Variants in RB1 observed in about 807,000 individuals in gnomAD.
RB1 encodes the protein RB transcriptional corepressor 1.
A neutral mutation model predicts 135.4 loss-of-function variants in RB1; 18 were observed. The ratio of observed to expected loss-of-function variants is 0.13; its 90% CI spans 0.09 to 0.20. The LOEUF (loss-of-function observed/expected upper bound fraction) is 0.20. RB1 is among the 10% of genes least tolerant of loss of function. RB1 has a pLI of 1.00. For synonymous variants in RB1, 365 were observed against 373.2 expected, an observed-to-expected ratio of 0.98 and a Z score of 0.25; for missense variants, 868 against 1,110.0, an observed-to-expected ratio of 0.78 and a Z score of 3.10.
chr13:48,443,026 G>C (rs1949253221), intron 17 of RB1, among the ~76,000 whole-genome samples: 1 of 151,982 alleles, frequency 6.6e-6, no homozygotes, highest in African/African-American at 2.4e-5. Flanking sequence ...CACTTTGAAA[G>C]ACATTTTAAG....
At chr13:48,466,554 C>T (rs1197488481) in intron 23 of RB1, among the ~76,000 whole-genome samples, 146 of 152,188 alleles carry the variant, frequency 9.6e-4, no homozygotes, top group Non-Finnish European at 1.5e-3. Flanking sequence ...CAAAGTTGGA[C>T]GGAGAATGAC....
intron 2 of RB1, among the ~76,000 whole-genome samples, chr13:48,320,923 A>C (rs1952230504): frequency 6.6e-6 from 1 of 152,158 alleles, no homozygotes; most frequent in Non-Finnish European, 1.5e-5. Context: ...CGACGACTAT[A>C]AACCCAGGAT....
intron 17 of RB1, among the ~76,000 whole-genome samples, chr13:48,436,924 T>A (rs766378320): frequency 1.3e-5 from 2 of 152,212 alleles, no homozygotes; most frequent in Non-Finnish European, 2.9e-5. Context: ...TTCCACTTCC[T>A]CTATTGTTAA....
At position 48,319,463 on chromosome 13, in the gene RB1, G is replaced by T. The variant is rs1348241265; in HGVS notation, c.264+12057G>T. 1.8e-5 allele frequency: 6 copies of T among 328,796 alleles called. No individual in the cohort carries two copies. The highest frequency in any genetic ancestry group is 3.5e-5 in the Non-Finnish European group (6 of 173,334). The allele number at this position is 328,796 out of a possible 1,614,324, so 20.4% of individuals were successfully genotyped here. ...TGACTTGCTTTCCCCTTCTCAGGGC[G>T]CCAGCGCTCCTCTTGACCCCGCTTT... On this transcript the variant is annotated intron_variant, in intron 2 of 26. Coordinates refer to ENST00000267163, the MANE Select transcript of RB1 (RefSeq NM_000321.3). The surrounding 1 kb of genome is among the most constrained non-coding windows in gnomAD (Gnocchi z 5.0).
At chr13:48,349,506 C>T (rs144768323) in intron 6 of RB1, among the ~76,000 whole-genome samples, 66 of 151,850 alleles carry the variant, frequency 4.3e-4, no homozygotes, top group Non-Finnish European at 7.7e-4. Context: ...TTGCAAGCCT[C>T]ATAGTAACCT....
chr13:48,453,969 T>C (rs970986930), intron 18 of RB1, among the ~76,000 whole-genome samples: 1 of 152,242 alleles, frequency 6.6e-6, no homozygotes, highest in African/African-American at 2.4e-5. Flanking sequence ...AGCTTAATTT[T>C]TTCCTTTTGG....
intron 4 of RB1, among the ~76,000 whole-genome samples, chr13:48,346,135 G>C (rs1952494983): frequency 1.5e-5 from 2 of 136,336 alleles, no homozygotes; most frequent in Admixed American, 7.7e-5. Context: ...TTCTTGATGA[G>C]AATAGAAGCT....
In RB1 at chr13:48,364,924, C is replaced by A. The variant is rs2138116427; in HGVS notation, c.892C>A (p.Pro298Thr). The A allele has an allele frequency of 6.4e-7, 1 of 1,565,668 alleles. No homozygotes were observed. Among genetic ancestry groups the A allele is most frequent in the Non-Finnish European group, 8.7e-7 (1 of 1,151,392 alleles). The change falls in exon 9 of 27, where the codon CCT becomes ACT. Residue 298 changes from proline (P) to threonine (T), a missense_variant. Around this residue, in one of 3 missense-constraint regions of RB1, gnomAD observed 641 missense variants for 791.3 expected, o/e 0.81. Coordinates refer to ENST00000267163, the MANE Select transcript of RB1 (RefSeq NM_000321.3). ...VKNVYFKNFI[P>T]FMNSLGLVTS... ...AAATGTTTATTTCAAAAATTTTATA[C>A]CTTTTATGAATTCTCTTGGACTTGT...
intron 17 of RB1, among the ~76,000 whole-genome samples, chr13:48,418,978 A>G (rs1181337050): frequency 1.3e-5 from 2 of 152,108 alleles, no homozygotes; most frequent in East Asian, 3.9e-4. Flanking sequence ...TGACAGATCA[A>G]TGAGACAGAA....
intron 9 of RB1, among the ~76,000 whole-genome samples, chr13:48,366,980 A>G (rs1338004077): frequency 6.6e-6 from 1 of 151,942 alleles, no homozygotes; most frequent in African/African-American, 2.4e-5. Context: ...TTAGCCGGGC[A>G]TGGTAGCAGG....
chr13:48,372,082 G>A (rs2138128546), intron 11 of RB1, among the ~76,000 whole-genome samples: 1 of 152,226 alleles, frequency 6.6e-6, no homozygotes, highest in South Asian at 2.1e-4. Flanking sequence ...TGTCTTCCAT[G>A]AAACCAGTCC....
intron 17 of RB1, among the ~76,000 whole-genome samples, chr13:48,394,642 G>T (rs747987969): frequency 4.6e-5 from 7 of 152,158 alleles, no homozygotes; most frequent in Non-Finnish European, 8.8e-5. Context: ...AGTTCAAACT[G>T]GGCAGAGCCT....
At position 48,410,201 on chromosome 13, in the gene RB1, C is replaced by G. The variant is rs1164022852; in HGVS notation, c.1695+28758C>G. Among the ~76,000 whole-genome samples the G allele has an allele frequency of 2.0e-5, 3 of 152,274 alleles. No homozygotes were observed. The East Asian group carries it at 5.8e-4, about 29-fold the overall frequency. On this transcript the variant is annotated intron_variant, in intron 17 of 26. Transcript: ENST00000267163. The stretch of plus-strand genomic sequence containing the variant: ...ATGCATCACGTAATAGCATTTTGGT[C>G]AATGACCGCATAAACGATGGTGGTC...
At position 48,465,277 on chromosome 13, in the gene RB1, C is replaced by T. The variant is rs1949432999; in HGVS notation, c.2398C>T (p.Pro800Ser). The change falls in exon 23 of 27, where the codon CCT becomes TCT. Residue 800 changes from proline to serine, a missense_variant. By Grantham distance (74) the Pro-to-Ser change is moderately conservative. Around this residue, in one of 3 missense-constraint regions of RB1, gnomAD observed 196 missense variants for 239.8 expected, o/e 0.82. Coordinates refer to ENST00000267163, the MANE Select transcript of RB1 (RefSeq NM_000321.3). ...YKFPSSPLRI[P>S]GGNIYISPLK... is the part of the protein sequence containing the mutation. ...GTTTCCTAGTTCACCCTTACGGATT[C>T]CTGGAGGGAACATCTATATTTCACC... The T allele has an allele frequency of 6.2e-7, 1 of 1,612,498 alleles. No individual in the cohort carries two copies. The highest frequency in any genetic ancestry group is 8.5e-7 in the Non-Finnish European group (1 of 1,178,574).
rs1187575932 is a variant in RB1, at chr13:48,480,877, C to G, written c.*806C>G. The G allele has an allele frequency of 1.3e-5, 3 of 227,772 alleles. No individual in the cohort carries two copies. Among genetic ancestry groups the G allele is most frequent in the Admixed American group, 5.7e-5 (1 of 17,646 alleles). The allele number at this position is 227,772 out of a possible 1,614,324, so 14.1% of individuals were successfully genotyped here. On this transcript the variant is annotated 3_prime_UTR_variant, in exon 27 of 27. Coordinates refer to ENST00000267163, the MANE Select transcript of RB1 (RefSeq NM_000321.3). Reference sequence around the variant, plus strand: ...TTCAGATCACTGAATTTATAAAGTACCCATCTAGTACTTGAAAAAGTAAAG... The same window carrying G: ...TTCAGATCACTGAATTTATAAAGTAGCCATCTAGTACTTGAAAAAGTAAAG...
At chr13:48,448,589 A>G (rs1238249234) in intron 17 of RB1, among the ~76,000 whole-genome samples, 1 of 152,222 alleles carries the variant, frequency 6.6e-6, no homozygotes, top group Non-Finnish European at 1.5e-5. Flanking sequence ...GCCTCTTTTT[A>G]TTCACAGCTT....
chr13:48,454,109 C>A (rs1949345671), intron 18 of RB1, among the ~76,000 whole-genome samples: 1 of 152,152 alleles, frequency 6.6e-6, no homozygotes, highest in Non-Finnish European at 1.5e-5. Context: ...CATAAGGTAA[C>A]AGATACTGCT....
intron 17 of RB1, among the ~76,000 whole-genome samples, chr13:48,410,626 G>C (rs933029095): frequency 6.6e-6 from 1 of 151,826 alleles, no homozygotes; most frequent in African/African-American, 2.4e-5. Context: ...TTATTTTTTT[G>C]CTAAGTAAAA....
chr13:48,348,996 T>A lies in RB1; in HGVS notation c.580T>A (p.Ser194Thr), dbSNP rs768091260. Residue 194 changes from serine to threonine, a missense_variant, in exon 6 of 27, where the codon TCT becomes ACT. By Grantham distance (58) the Ser-to-Thr change is moderately conservative. This residue lies in a region of RB1 where 641 missense variants were observed against 791.3 expected (regional missense o/e 0.81). Coordinates refer to ENST00000267163, the MANE Select transcript of RB1 (RefSeq NM_000321.3). ...AAATTCTGCATTGGTGCTAAAAGTT[T>A]CTTGGATCACATTTTTATTAGCTAA... is the stretch of plus-strand genomic sequence containing the variant. ...EINSALVLKV[S>T]WITFLLAKGE... 6.2e-7 allele frequency: 1 copy of A among 1,601,818 alleles called. No individual in the cohort carries two copies. Among genetic ancestry groups the A allele is most frequent in the South Asian group, 1.1e-5 (1 of 90,190 alleles).
Sources: allele counts gnomAD v4.1 joint callset (sites outside exome capture counted in the v4.1 genomes callset), GRCh38; gene constraint gnomAD v4.1.1; regional missense constraint gnomAD v4.1.1; non-coding constraint Gnocchi (gnomAD v3.1); transcripts MANE v1.5; gene names NCBI Gene and HGNC (gene_info 2026-07-23, HGNC 2026-07-21).